MCOLN2: variants seen among roughly 807,000 people sequenced by gnomAD.
MCOLN2 encodes the protein mucolipin-2.
A neutral mutation model predicts 67.5 loss-of-function variants in MCOLN2; 57 were observed. The observed-to-expected ratio is 0.84, with a 90% CI of 0.68 to 1.05. MCOLN2 has a LOEUF of 1.05. Ranked by LOEUF, MCOLN2 falls within the 50% of genes least tolerant of loss-of-function variation. The pLI is 0.00. For missense variants in MCOLN2, 620 were observed against 678.8 expected (o/e 0.91, Z 0.96); for synonymous variants, 246 against 233.3 (o/e 1.05, Z -0.50).
At chr1:84,956,221 A>G (rs1214724086) in intron 4 of MCOLN2, among the ~76,000 whole-genome samples, 1 of 152,000 alleles carries the variant, frequency 6.6e-6, no homozygotes, top group Non-Finnish European at 1.5e-5. Flanking sequence ...TGCTCCAAAC[A>G]GATCCACAAA....
intron 1 of MCOLN2, among the ~76,000 whole-genome samples, chr1:84,980,592 A>G (rs1467496495): frequency 6.6e-6 from 1 of 152,238 alleles, no homozygotes; most frequent in Non-Finnish European, 1.5e-5. Context: ...AGTCTCTTAA[A>G]TAAATGGTGT....
chr1:84,981,484 G>T (rs956049529), intron 1 of MCOLN2, among the ~76,000 whole-genome samples: 1 of 152,182 alleles, frequency 6.6e-6, no homozygotes, highest in African/African-American at 2.4e-5. Context: ...CATAAAAAAT[G>T]AGATCCTGTC....
Position 84,940,834 on chromosome 1 carries a change from G to C in MCOLN2, c.960+45C>G, listed in dbSNP as rs541371760. ...TGGTCCACTGCTTGGGCAAACTGAG[G>C]GCGCAGGCCAAGAGGGCAGGAAGAG... On this transcript the variant is annotated intron_variant, in intron 8 of 13. Coordinates refer to ENST00000370608, the MANE Select transcript of MCOLN2 (RefSeq NM_153259.4). 1.2e-4 allele frequency: 161 copies of C among 1,369,846 alleles called. 3 individuals are homozygous for C. The South Asian group carries it at 2.0e-3, about 17-fold the overall frequency. 84.9% of individuals were successfully genotyped at this position (1,369,846 alleles called of 1,614,324 possible).
intron 1 of MCOLN2, among the ~76,000 whole-genome samples, chr1:84,967,481 C>G (rs533173867): frequency 6.6e-6 from 1 of 152,278 alleles, no homozygotes; most frequent in South Asian, 2.1e-4. Flanking sequence ...TATTTTTATA[C>G]TGACTGATGA....
chr1:84,959,888 G>T (rs894376708), intron 2 of MCOLN2, among the ~76,000 whole-genome samples: 8 of 152,114 alleles, frequency 5.3e-5, no homozygotes, highest in Non-Finnish European at 1.0e-4. Context: ...ATACAATTCT[G>T]AACAATTCAG....
chr1:84,969,776 A>G (rs1222984257), intron 1 of MCOLN2, among the ~76,000 whole-genome samples: 1 of 152,204 alleles, frequency 6.6e-6, no homozygotes, highest in African/African-American at 2.4e-5. Flanking sequence ...GCACATGCTT[A>G]GTGTCCAGTA....
At chr1:84,966,695 A>G (rs1195939138) in intron 1 of MCOLN2, among the ~76,000 whole-genome samples, 1 of 152,176 alleles carries the variant, frequency 6.6e-6, no homozygotes, top group South Asian at 2.1e-4. Flanking sequence ...GTCACTTTAT[A>G]TTAATAAAAT....
intron 6 of MCOLN2, 37 bp from the exon 7 acceptor site, chr1:84,947,169 A>G (rs1362193946): frequency 1.0e-6 from 1 of 999,286 alleles, no homozygotes. Flanking sequence ...TACAACACAG[A>G]AGAAAGTATA....
intron 1 of MCOLN2, among the ~76,000 whole-genome samples, chr1:84,971,167 CAA>C (rs945249218): frequency 6.6e-6 from 1 of 151,886 alleles, no homozygotes; most frequent in Non-Finnish European, 1.5e-5. Flanking sequence ...ACATTTCCCT[CAA>C]GAGTACATGA....
rs652272 is a variant in MCOLN2, at chr1:84,970,435, T to A, written c.78-4727A>T. On this transcript the variant is annotated intron_variant, in intron 1 of 13. Transcript: ENST00000370608. The stretch of plus-strand genomic sequence containing the variant: ...CTGTAATCCCAGTACTTTGGGAGGG[T>A]GAGGTGGGTGGATCACTTGAGGCCA... Among the ~76,000 whole-genome samples, 91 of 150,306 alleles carry A rather than the reference T, an allele frequency of 6.1e-4. 1 individual carries two copies. The South Asian group carries it at 0.017, about 28-fold the overall frequency.
At chr1:84,965,373 C>T (rs1445769857) in intron 2 of MCOLN2, among the ~76,000 whole-genome samples, 176 bp downstream of exon 2, 2 of 152,174 alleles carry the variant, frequency 1.3e-5, no homozygotes, top group Non-Finnish European at 2.9e-5. Context: ...CTTACTATGA[C>T]AAGGTTGTCT....
In MCOLN2 at chr1:84,979,717, C is replaced by A. The variant is rs192390247; in HGVS notation, c.78-14009G>T. ...TATACAGCATACCCACAGCTAGTAT[C>A]ATACTGAATGGGGAAAAACTGAAAG... On this transcript the variant is annotated intron_variant, in intron 1 of 13. Coordinates refer to ENST00000370608, the MANE Select transcript of MCOLN2 (RefSeq NM_153259.4). 2.1e-4 allele frequency among the ~76,000 whole-genome samples: 32 copies of A among 152,250 alleles called. No individual in the cohort carries two copies. In the East Asian group the frequency reaches 5.8e-3, roughly 28 times the overall value.
At chr1:84,993,735 A>G in intron 1 of MCOLN2, among the ~76,000 whole-genome samples, 1 of 146,530 alleles carries the variant, frequency 6.8e-6, no homozygotes, top group Non-Finnish European at 1.5e-5. Flanking sequence ...GGTTCACGCC[A>G]TTCTCCTGCC....
chr1:84,936,639 A>G (rs895165708), intron 11 of MCOLN2, among the ~76,000 whole-genome samples: 1 of 152,324 alleles, frequency 6.6e-6, no homozygotes. Flanking sequence ...TAATATCTCA[A>G]ATAGGAAAAA....
At chr1:84,953,757 A>G (rs1229921277) in intron 4 of MCOLN2, among the ~76,000 whole-genome samples, 1 of 152,186 alleles carries the variant, frequency 6.6e-6, no homozygotes, top group Non-Finnish European at 1.5e-5. Flanking sequence ...CCTCACATAA[A>G]AATTAGTCTC....
rs747715742 is a variant in MCOLN2 at position 84,996,763 on chromosome 1, A to G, written c.77+33T>C. 5 of 1,588,816 alleles carry G rather than the reference A, an allele frequency of 3.1e-6. No individual in the cohort carries two copies. In the East Asian group the frequency reaches 1.1e-4, roughly 36 times the overall value. On this transcript the variant is annotated intron_variant, in intron 1 of 13. Transcript: ENST00000370608. Reference sequence around the variant, plus strand: ...GACTTTAGGAAGATTTCTCCAGTCCAGCATCCTGAAAGATGAAGCCCAGAC... The same window carrying G: ...GACTTTAGGAAGATTTCTCCAGTCCGGCATCCTGAAAGATGAAGCCCAGAC...
rs1648519621 is a variant in MCOLN2 at position 84,952,153 on chromosome 1, A to G, written c.747+90T>C. 8 of 792,262 alleles carry G rather than the reference A, an allele frequency of 1.0e-5. No homozygotes were observed. In the East Asian group the frequency reaches 2.1e-4, roughly 20 times the overall value. 49.1% of individuals were successfully genotyped at this position (792,262 alleles called of 1,614,324 possible). On this transcript the variant is annotated intron_variant, in intron 6 of 13. Transcript: ENST00000370608. The stretch of plus-strand genomic sequence containing the variant: ...TTTTAAACATGACTGCATTTAACAC[A>G]TCTGTAGGCTGCTGTGTTTTATACT...
intron 6 of MCOLN2, among the ~76,000 whole-genome samples, chr1:84,950,179 CCAATG>C (rs1648348668): frequency 6.6e-6 from 1 of 152,106 alleles, no homozygotes; most frequent in Non-Finnish European, 1.5e-5. Context: ...GAGAATTATG[CCAATG>C]AAAATGTTCA....
At chr1:84,971,288 T>G (rs963406937) in intron 1 of MCOLN2, among the ~76,000 whole-genome samples, 2 of 152,134 alleles carry the variant, frequency 1.3e-5, no homozygotes, top group African/African-American at 4.8e-5. Flanking sequence ...GAGATAGCTG[T>G]TTTTTAATAA....
Sources: gnomAD v4.1 joint callset for allele counts (sites outside exome capture counted in the v4.1 genomes callset) on GRCh38, gnomAD v4.1.1 for gene constraint, MANE v1.5 for transcripts, NCBI Gene and HGNC (gene_info 2026-07-23, HGNC 2026-07-21) for gene names.